CSMD1: variants seen among roughly 807,000 people sequenced by gnomAD.
CSMD1 encodes CUB and sushi domain-containing protein 1.
Under a neutral mutation model 417.5 loss-of-function variants are expected in CSMD1, and 213 were observed. The observed-to-expected ratio is 0.51, with a 90% CI of 0.46 to 0.57. The LOEUF (loss-of-function observed/expected upper bound fraction) is 0.57, where lower values mean the gene tolerates loss of function less well. Ranked by LOEUF, CSMD1 falls within the 20% of genes least tolerant of loss-of-function variation. The pLI is 0.00. For missense variants in CSMD1, 6,923 were observed against 4,529.7 expected (o/e 1.53, Z -15.17); for synonymous variants, 2,862 against 1,736.8 (o/e 1.65, Z -16.11).
At chr8:4,973,168 G>T (rs1810342066) in intron 1 of CSMD1, among the ~76,000 whole-genome samples, 1 of 152,010 alleles carries the variant, frequency 6.6e-6, no homozygotes, top group Non-Finnish European at 1.5e-5. Flanking sequence ...CCAATATCTT[G>T]CAGAACACTT....
intron 2 of CSMD1, among the ~76,000 whole-genome samples, chr8:4,426,486 T>C (rs1012155007): frequency 3.4e-5 from 5 of 148,030 alleles, no homozygotes; most frequent in African/African-American, 1.2e-4. Context: ...ATATATGACA[T>C]ATATAGTAAA....
At chr8:4,881,309 AT>A (rs1362625556) in intron 1 of CSMD1, among the ~76,000 whole-genome samples, 4 of 152,030 alleles carry the variant, frequency 2.6e-5, no homozygotes, top group Non-Finnish European at 4.4e-5. Flanking sequence ...GTGACAATGC[AT>A]TTTTTTATTT....
At chr8:4,835,517 A>C (rs552032379) in intron 1 of CSMD1, among the ~76,000 whole-genome samples, 4 of 152,306 alleles carry the variant, frequency 2.6e-5, no homozygotes, top group African/African-American at 9.6e-5. Context: ...GAGGTACGCA[A>C]ATCCAGTGGA....
chr8:3,302,877 A>G (rs578195333), intron 25 of CSMD1, among the ~76,000 whole-genome samples: 1 of 152,228 alleles, frequency 6.6e-6, no homozygotes, highest in Non-Finnish European at 1.5e-5. Flanking sequence ...ATGAGTCAGA[A>G]CTTTGCAAAG....
At chr8:4,740,574 A>G (rs1810538958) in intron 1 of CSMD1, among the ~76,000 whole-genome samples, 1 of 152,298 alleles carries the variant, frequency 6.6e-6, no homozygotes, top group Admixed American at 6.5e-5. Flanking sequence ...ATTTTTTATT[A>G]TGGTCTCAGA....
chr8:3,122,532 T>C (rs533767124), intron 41 of CSMD1, among the ~76,000 whole-genome samples: 3 of 152,272 alleles, frequency 2.0e-5, no homozygotes, highest in African/African-American at 4.8e-5. Context: ...TTGAATTGTA[T>C]CTCCCAGAAT....
chr8:4,992,392 G>A (rs988251989), intron 1 of CSMD1, among the ~76,000 whole-genome samples: 1 of 152,242 alleles, frequency 6.6e-6, no homozygotes, highest in Admixed American at 6.5e-5. Flanking sequence ...GGAGCGTGCG[G>A]AACTCGAGGG....
chr8:4,380,550 A>G (rs1373290761), intron 3 of CSMD1, among the ~76,000 whole-genome samples: 1 of 152,208 alleles, frequency 6.6e-6, no homozygotes, highest in Non-Finnish European at 1.5e-5. Flanking sequence ...TAAATGCCAC[A>G]TGAGGTTTGG....
intron 3 of CSMD1, among the ~76,000 whole-genome samples, chr8:4,384,910 T>C (rs1803346166): frequency 6.6e-6 from 1 of 152,194 alleles, no homozygotes; most frequent in Non-Finnish European, 1.5e-5. Flanking sequence ...AGTGGCTGGA[T>C]GGCTTCCAGA....
intron 50 of CSMD1, among the ~76,000 whole-genome samples, chr8:3,035,762 A>AAT (rs149626779): frequency 0.084 from 12,846 of 152,234 alleles, 1,808 homozygotes; most frequent in African/African-American, 0.29. Context: ...TGTAAAATTA[A>AAT]ATGTTTTCAA....
At chr8:3,967,059 A>T (rs1812723645) in intron 5 of CSMD1, among the ~76,000 whole-genome samples, 1 of 152,208 alleles carries the variant, frequency 6.6e-6, no homozygotes, top group Non-Finnish European at 1.5e-5. Flanking sequence ...CAGATATTGA[A>T]ATCAGACATG....
At chr8:4,839,938 G>A (rs1020961780) in intron 1 of CSMD1, among the ~76,000 whole-genome samples, 3 of 152,156 alleles carry the variant, frequency 2.0e-5, no homozygotes, top group Non-Finnish European at 2.9e-5. Context: ...CTACAACACA[G>A]ACCCGGAGAC....
intron 10 of CSMD1, among the ~76,000 whole-genome samples, chr8:3,552,176 AC>A (rs1258357324): frequency 6.6e-6 from 1 of 151,794 alleles, no homozygotes; most frequent in African/African-American, 2.4e-5. Flanking sequence ...GATTTTCTGC[AC>A]AAACAGAGTA....
At chr8:2,959,252 C>G (rs1032189871) in intron 62 of CSMD1, among the ~76,000 whole-genome samples, 4 of 152,198 alleles carry the variant, frequency 2.6e-5, no homozygotes, top group Admixed American at 2.6e-4. Context: ...AACAGGTGCA[C>G]CTTACCATGC....
chr8:4,355,541 A>G (rs1451660267), intron 3 of CSMD1, among the ~76,000 whole-genome samples: 6 of 152,204 alleles, frequency 3.9e-5, no homozygotes, highest in Non-Finnish European at 8.8e-5. Context: ...CTCCTTCAGT[A>G]CATAAGTGAA....
chr8:2,997,407 AG>A (rs1250257923), intron 54 of CSMD1, among the ~76,000 whole-genome samples: 2 of 152,222 alleles, frequency 1.3e-5, no homozygotes, highest in Non-Finnish European at 2.9e-5. Context: ...GACATTGATA[AG>A]TTCCTGGCTT....
intron 5 of CSMD1, among the ~76,000 whole-genome samples, chr8:3,809,992 A>G (rs943478451): frequency 2.0e-5 from 3 of 152,138 alleles, no homozygotes; most frequent in African/African-American, 7.2e-5. Context: ...CAAAATAGAC[A>G]CCAGCTCTGA....
Position 4,501,238 on chromosome 8 carries a change from T to G in CSMD1, c.303-81173A>C, listed in dbSNP as rs952298837. Among the ~76,000 whole-genome samples, 15 of 152,210 alleles carry G rather than the reference T, an allele frequency of 9.9e-5. No individual in the cohort carries two copies. The East Asian group carries it at 2.9e-3, about 29-fold the overall frequency. On this transcript the variant is annotated intron_variant, in intron 2 of 69. Coordinates refer to ENST00000635120, the MANE Select transcript of CSMD1 (RefSeq NM_033225.6). ...CTCTATAACATTGCTGGGCCAGAGA[T>G]AGAATTTACTGCTAGATAGTTTATT...
chr8:4,157,726 C>A (rs1356254121), intron 3 of CSMD1, among the ~76,000 whole-genome samples: 2 of 152,214 alleles, frequency 1.3e-5, no homozygotes, highest in African/African-American at 2.4e-5. Flanking sequence ...TCCCTCTGGC[C>A]GTCCTTTTCC....
Sources: allele counts gnomAD v4.1 joint callset (sites outside exome capture counted in the v4.1 genomes callset), GRCh38; gene constraint gnomAD v4.1.1; transcripts MANE v1.5; gene names NCBI Gene and HGNC (gene_info 2026-07-23, HGNC 2026-07-21).